IPO11: variants seen among roughly 807,000 people sequenced by gnomAD.
IPO11 encodes the protein importin 11.
A neutral mutation model predicts 143.2 loss-of-function variants in IPO11; 66 were observed. The observed-to-expected ratio is 0.46, with a 90% CI of 0.38 to 0.57. The LOEUF (loss-of-function observed/expected upper bound fraction) is 0.57. Ranked by LOEUF, IPO11 falls within the 20% of genes least tolerant of loss-of-function variation. The probability of loss-of-function intolerance (pLI) is 0.00; values close to 1 mark genes in which losing one functional copy is unlikely to be tolerated. For synonymous variants in IPO11, 385 were observed against 377.8 expected (o/e 1.02, Z -0.22); for missense variants, 1,026 against 1,141.0 (o/e 0.90, Z 1.45).
intron 9 of IPO11, 109 bp downstream of exon 9, chr5:62,476,862 T>A (rs1745977702): frequency 4.2e-6 from 5 of 1,193,908 alleles, no homozygotes; most frequent in Non-Finnish European, 5.5e-6. Flanking sequence ...TAAGGAAACC[T>A]ATGTTCTGAC....
intron 27 of IPO11, chr5:62,581,037 T>A (rs1744537754): frequency 6.4e-7 from 1 of 1,550,920 alleles, no homozygotes; most frequent in African/African-American, 1.4e-5. Flanking sequence ...TTTTGCTAGC[T>A]TTTTTCATCT....
intron 2 of IPO11, among the ~76,000 whole-genome samples, chr5:62,442,478 ACTT>A (rs1261477419): frequency 1.3e-5 from 2 of 152,220 alleles, no homozygotes; most frequent in African/African-American, 2.4e-5. Context: ...GAGCAGGTGT[ACTT>A]CTTATATGAA....
In IPO11 at chr5:62,433,795, G is replaced by A. The variant is rs79558680; in HGVS notation, c.-6-3479G>A. Among the ~76,000 whole-genome samples, 1,102 of 152,218 alleles carry A rather than the reference G, an allele frequency of 7.2e-3. 13 individuals carry two copies. Among genetic ancestry groups the A allele is most frequent in the African/African-American group, 0.025 (1,037 of 41,536 alleles). On this transcript the variant is annotated intron_variant, in intron 1 of 29. Transcript: ENST00000325324. ...GGATTGCTTTGCTGTGTGCATTTAT[G>A]TTCTCTGCACAATCTTTGCTCTAGG...
chr5:62,520,375 A>G (rs1272596423), intron 20 of IPO11, among the ~76,000 whole-genome samples: 1 of 147,294 alleles, frequency 6.8e-6, no homozygotes, highest in Admixed American at 6.8e-5. Flanking sequence ...GATACGACAG[A>G]TTTTTTTTTT....
chr5:62,423,482 C>T (rs756739429), intron 1 of IPO11, among the ~76,000 whole-genome samples: 4 of 152,176 alleles, frequency 2.6e-5, no homozygotes, highest in South Asian at 2.1e-4. Flanking sequence ...GAGGAAGGAG[C>T]GCTTTACTGT....
intron 19 of IPO11, among the ~76,000 whole-genome samples, chr5:62,514,603 CGGGAGAG>C (rs1741933415): frequency 7.6e-6 from 1 of 132,326 alleles, no homozygotes; most frequent in African/African-American, 3.2e-5. Context: ...GAGAGGGAGA[CGGGAGAG>C]GGAGAGGGAG....
intron 24 of IPO11, among the ~76,000 whole-genome samples, chr5:62,547,788 C>A (rs149739009): frequency 8.7e-4 from 133 of 152,208 alleles, no homozygotes; most frequent in South Asian, 3.5e-3. Context: ...TGGATTGGGG[C>A]CAGCCACAGC....
chr5:62,545,697 A>G (rs910824836), intron 24 of IPO11, among the ~76,000 whole-genome samples: 1 of 152,148 alleles, frequency 6.6e-6, no homozygotes, highest in African/African-American at 2.4e-5. Context: ...TTTGCAACCT[A>G]CTCATCTGAC....
At chr5:62,517,210 AAAAAAT>A (rs2112289277) in intron 20 of IPO11, among the ~76,000 whole-genome samples, 1 of 152,184 alleles carries the variant, frequency 6.6e-6, no homozygotes, top group African/African-American at 2.4e-5. Context: ...AAAAAAGAAA[AAAAAAT>A]AAGTGGCCCA....
chr5:62,461,351 T>C (rs1745350670), intron 5 of IPO11, among the ~76,000 whole-genome samples: 1 of 152,184 alleles, frequency 6.6e-6, no homozygotes, highest in Non-Finnish European at 1.5e-5. Flanking sequence ...TGATGAGATA[T>C]TGATGATATC....
At chr5:62,436,349 G>A (rs1287818801) in intron 1 of IPO11, among the ~76,000 whole-genome samples, 4 of 151,960 alleles carry the variant, frequency 2.6e-5, no homozygotes, top group East Asian at 3.9e-4. Flanking sequence ...AACATTCTTC[G>A]GTCACAGAGA....
rs1744569583 is a variant in IPO11 at position 62,581,627 on chromosome 5, T to TATACTTTACAGGTGAGGAAACTTA, written c.2583-9949_2583-9948insTACTTTACAGGTGAGGAAACTTAA. On this transcript the variant is annotated intron_variant, in intron 27 of 29. Transcript: ENST00000325324. The stretch of plus-strand genomic sequence containing the variant: ...TTTACAGGTGAGGAAACTTAAAGTT[T>TATACTTTACAGGTGAGGAAACTTA]AAGTAACTATGCCAAATTCTCACAG... Among the ~76,000 whole-genome samples, 5 of 152,288 alleles carry TATACTTTACAGGTGAGGAAACTTA rather than the reference T, an allele frequency of 3.3e-5. No homozygotes were observed. In the South Asian group the frequency reaches 1.0e-3, roughly 32 times the overall value.
At chr5:62,520,672 C>T (rs936921244) in intron 20 of IPO11, among the ~76,000 whole-genome samples, 2 of 152,144 alleles carry the variant, frequency 1.3e-5, no homozygotes, top group African/African-American at 4.8e-5. Flanking sequence ...TGGTTTCCAG[C>T]TTCATCCATG....
intron 26 of IPO11, among the ~76,000 whole-genome samples, chr5:62,555,466 C>T (rs754219762): frequency 2.7e-5 from 4 of 145,728 alleles, no homozygotes; most frequent in Non-Finnish European, 6.0e-5. Context: ...ATGCGTGCCA[C>T]CACACCTGGC....
chr5:62,443,820 T>C (rs1744602277), intron 3 of IPO11, among the ~76,000 whole-genome samples: 1 of 152,212 alleles, frequency 6.6e-6, no homozygotes, highest in Non-Finnish European at 1.5e-5. Flanking sequence ...TTTTACATGT[T>C]ATATAATCAA....
At chr5:62,580,273 A>G in intron 27 of IPO11, 3 of 1,541,674 alleles carry the variant, frequency 1.9e-6, no homozygotes, top group Non-Finnish European at 2.6e-6. Flanking sequence ...TAATAATCTT[A>G]AACATTTGAT....
intron 20 of IPO11, among the ~76,000 whole-genome samples, chr5:62,519,405 A>G (rs1347898370): frequency 2.0e-5 from 3 of 152,144 alleles, no homozygotes; most frequent in Admixed American, 1.3e-4. Context: ...TAGGTTTCTC[A>G]GTCTTTCTCA....
In IPO11 at chr5:62,494,017, A is replaced by T; in HGVS notation, c.1483A>T (p.Arg495Trp). The T allele has an allele frequency of 6.2e-7, 1 of 1,612,798 alleles. No individual in the cohort carries two copies. The highest frequency in any genetic ancestry group is 8.5e-7 in the Non-Finnish European group (1 of 1,179,310). The change falls in exon 16 of 30, where the codon AGG becomes TGG. Residue 495 changes from arginine (R) to tryptophan (W), a missense_variant. Physicochemically the swap from Arg to Trp is moderately radical, Grantham distance 101. Around this residue, in one of 5 missense-constraint regions of IPO11, gnomAD observed 237 missense variants for 288.0 expected, o/e 0.82. Transcript: ENST00000325324. Reference protein sequence around the residue: ...IHNRYKPLRRRVIWLIGQWIS... With the variant: ...IHNRYKPLRRWVIWLIGQWIS... The stretch of plus-strand genomic sequence containing the variant: ...GTTTAGGTATAAGCCATTGCGACGC[A>T]GGGTGATTTGGCTCATCGGTCAGTG...
intron 26 of IPO11, chr5:62,560,914 A>G: frequency 2.9e-6 from 1 of 348,652 alleles, no homozygotes; most frequent in East Asian, 4.8e-5. Flanking sequence ...CATGTTTTGA[A>G]TAAGTCTGCT....
Sources: allele counts gnomAD v4.1 joint callset (sites outside exome capture counted in the v4.1 genomes callset), GRCh38; gene constraint gnomAD v4.1.1; regional missense constraint gnomAD v4.1.1; transcripts MANE v1.5; gene names NCBI Gene and HGNC (gene_info 2026-07-23, HGNC 2026-07-21).